RPH3A: variants seen among roughly 807,000 people sequenced by gnomAD.
RPH3A encodes rabphilin 3A.
In RPH3A, 48 loss-of-function variants were observed where a neutral mutation model predicts 102.2. The observed-to-expected ratio is 0.47, with a 90% CI of 0.37 to 0.60. The LOEUF (loss-of-function observed/expected upper bound fraction) is 0.60. Among genes scored for constraint, RPH3A ranks in the 20% least tolerant of loss-of-function variants. RPH3A has a pLI of 0.00. For synonymous variants in RPH3A, 310 were observed against 324.3 expected, an observed-to-expected ratio of 0.96 and a Z score of 0.47; for missense variants, 781 against 910.1, an observed-to-expected ratio of 0.86 and a Z score of 1.83.
At chr12:112,786,345 T>C (rs1187515234) in intron 1 of RPH3A, among the ~76,000 whole-genome samples, 1 of 152,236 alleles carries the variant, frequency 6.6e-6, no homozygotes, top group Non-Finnish European at 1.5e-5. Context: ...TAGGCCGATC[T>C]CAGGGACCCA....
chr12:112,733,050 T>C (rs1230075442), intron 1 of RPH3A, among the ~76,000 whole-genome samples: 1 of 152,192 alleles, frequency 6.6e-6, no homozygotes, highest in Admixed American at 6.5e-5. Context: ...AGCTGGGCAC[T>C]GTGCTAGGCT....
chr12:112,866,094 G>A (rs746012332), intron 6 of RPH3A, among the ~76,000 whole-genome samples: 2 of 152,174 alleles, frequency 1.3e-5, no homozygotes, highest in Non-Finnish European at 1.5e-5. Flanking sequence ...AGATACAACT[G>A]TCCTGGGGTC....
At chr12:112,601,913 C>T (rs990029360) in intron 1 of RPH3A, among the ~76,000 whole-genome samples, 12 of 152,236 alleles carry the variant, frequency 7.9e-5, no homozygotes, top group African/African-American at 2.6e-4. Flanking sequence ...TGCACTTCAG[C>T]CTGGGTGACA....
intron 1 of RPH3A, among the ~76,000 whole-genome samples, chr12:112,708,010 A>T (rs1013386902): frequency 6.6e-6 from 1 of 152,252 alleles, no homozygotes; most frequent in Non-Finnish European, 1.5e-5. Context: ...TACGGGCTGA[A>T]GTCGTGGGAC....
intron 2 of RPH3A, among the ~76,000 whole-genome samples, chr12:112,827,724 A>T (rs1263322921): frequency 2.0e-5 from 3 of 152,042 alleles, no homozygotes; most frequent in Admixed American, 1.3e-4. Context: ...CAGGAAAGGG[A>T]ACATCACACA....
intron 10 of RPH3A, among the ~76,000 whole-genome samples, chr12:112,871,687 G>T (rs1324274008): frequency 6.6e-6 from 1 of 150,630 alleles, no homozygotes; most frequent in East Asian, 1.9e-4. Flanking sequence ...ATATTCTATT[G>T]TGTATTTATA....
intron 1 of RPH3A, among the ~76,000 whole-genome samples, chr12:112,584,896 C>T (rs1211174727): frequency 2.6e-5 from 4 of 152,132 alleles, no homozygotes; most frequent in Non-Finnish European, 5.9e-5. Flanking sequence ...TATTGACTCA[C>T]ACTATCACAA....
At position 112,591,199 on chromosome 12, in the gene RPH3A, C is replaced by T. The variant is rs145428302; in HGVS notation, c.-140+15880C>T. Among the ~76,000 whole-genome samples the T allele has an allele frequency of 9.1e-3, 1,387 of 152,242 alleles. 71 individuals are homozygous for T. The highest frequency in any genetic ancestry group is 0.081 in the Admixed American group (1,237 of 15,292). On this transcript the variant is annotated intron_variant, in intron 1 of 21. Coordinates refer to the RPH3A transcript ENST00000543106. ...ACTCCTGGGCTCAATGATCCTCCCACCTCAGCCTCCTGAGTAGCTGGGACC... is the reference window on the plus strand; with the variant it reads ...ACTCCTGGGCTCAATGATCCTCCCATCTCAGCCTCCTGAGTAGCTGGGACC...
rs563238974 is a variant in RPH3A, at chr12:112,783,127, G to A, written c.-139-9016G>A. On this transcript the variant is annotated intron_variant, in intron 1 of 21. Coordinates refer to the RPH3A transcript ENST00000543106. ...TTCCCTGCTTGGCCAAGTGGGAATC[G>A]TGGGGTGAGCTCGTCTCTCCATTCT... Among the ~76,000 whole-genome samples the A allele has an allele frequency of 3.1e-3, 476 of 152,276 alleles. 2 individuals are homozygous for A. The highest frequency in any genetic ancestry group is 0.011 in the African/African-American group (456 of 41,554).
chr12:112,678,570 A>T (rs915109728), intron 1 of RPH3A, among the ~76,000 whole-genome samples: 1 of 152,086 alleles, frequency 6.6e-6, no homozygotes, highest in African/African-American at 2.4e-5. Context: ...CAGGAAAAAC[A>T]TTTATTTATT....
At chr12:112,677,904 G>A (rs921630743) in intron 1 of RPH3A, among the ~76,000 whole-genome samples, 6 of 151,980 alleles carry the variant, frequency 3.9e-5, no homozygotes, top group Non-Finnish European at 8.8e-5. Flanking sequence ...AGAAATACAA[G>A]GGCAGGCCAG....
rs868029528 is a variant in RPH3A, at chr12:112,691,118, G to A, written c.-139-101025G>A. 4.6e-5 allele frequency among the ~76,000 whole-genome samples: 7 copies of A among 152,028 alleles called. 1 individual carries two copies. In the South Asian group the frequency reaches 1.5e-3, roughly 32 times the overall value. Reference sequence around the variant, plus strand: ...CAGCTCACAGCAAGCTCCGCCTCCCGGGTTCAGCCACTTTCCTGCGTCAGC... The same window carrying A: ...CAGCTCACAGCAAGCTCCGCCTCCCAGGTTCAGCCACTTTCCTGCGTCAGC... On this transcript the variant is annotated intron_variant, in intron 1 of 21. Transcript: ENST00000543106.
In RPH3A at chr12:112,866,835, A is replaced by G; in HGVS notation, c.439A>G (p.Arg147Gly). 1 of 1,608,144 alleles carries G rather than the reference A, an allele frequency of 6.2e-7. No homozygotes were observed. The highest frequency in any genetic ancestry group is 8.5e-7 in the Non-Finnish European group (1 of 1,176,838). ...VWLCKICIEQ[R>G]EVWKRSGAWF... ...GCTCTGCAAAATCTGCATTGAGCAG[A>G]GGGAGGTGAGTGCCCTGGTCCCACC... The change falls in exon 7 of 22, where the codon AGG (arginine) becomes GGG (glycine). Residue 147 changes from arginine to glycine, a missense_variant. Around this residue, in one of 2 missense-constraint regions of RPH3A, gnomAD observed 730 missense variants for 810.0 expected, o/e 0.90. Coordinates refer to ENST00000389385, the MANE Select transcript of RPH3A (RefSeq NM_001143854.2).
chr12:112,856,178 GCACAC>G (rs2042407886), intron 5 of RPH3A, among the ~76,000 whole-genome samples: 1 of 152,190 alleles, frequency 6.6e-6, no homozygotes, highest in African/African-American at 2.4e-5. Flanking sequence ...AGGCTCTGCT[GCACAC>G]CACATGAAGC....
At chr12:112,655,365 G>A (rs1216628835) in intron 1 of RPH3A, among the ~76,000 whole-genome samples, 1 of 152,116 alleles carries the variant, frequency 6.6e-6, no homozygotes, top group East Asian at 1.9e-4. Flanking sequence ...TTCATGAATT[G>A]TTTAAACCAC....
At chr12:112,870,411 A>G in intron 10 of RPH3A, among the ~76,000 whole-genome samples, 1 of 151,802 alleles carries the variant, frequency 6.6e-6, no homozygotes. Context: ...TCCCCTTGGC[A>G]ATGGCCTCTG....
intron 1 of RPH3A, among the ~76,000 whole-genome samples, chr12:112,710,223 G>C (rs905924736): frequency 6.6e-6 from 1 of 152,154 alleles, no homozygotes; most frequent in Non-Finnish European, 1.5e-5. Flanking sequence ...TGATCCGCCT[G>C]TCTCGGCCTC....
At chr12:112,846,781 C>T (rs1010815965) in intron 4 of RPH3A, among the ~76,000 whole-genome samples, 1 of 152,186 alleles carries the variant, frequency 6.6e-6, no homozygotes, top group African/African-American at 2.4e-5. Flanking sequence ...GGAGAGGATA[C>T]TAATTTGTCA....
At chr12:112,847,866 A>T (rs963526318) in intron 5 of RPH3A, 24 bp downstream of exon 5, 1 of 1,610,864 alleles carries the variant, frequency 6.2e-7, no homozygotes, top group Admixed American at 1.7e-5. Flanking sequence ...CTTCCCATTC[A>T]CCCCAGAGCT....
Sources: allele counts gnomAD v4.1 joint callset (sites outside exome capture counted in the v4.1 genomes callset), GRCh38; gene constraint gnomAD v4.1.1; regional missense constraint gnomAD v4.1.1; transcripts MANE v1.5; gene names NCBI Gene and HGNC (gene_info 2026-07-23, HGNC 2026-07-21).